CA10: variants seen among roughly 807,000 people sequenced by gnomAD.
CA10 encodes the protein carbonic anhydrase 10 (inactive), also known as carbonic anhydrase-related protein 10.
A neutral mutation model predicts 44.2 loss-of-function variants in CA10; 14 were observed. That is an observed-to-expected ratio of 0.32 (90% confidence interval 0.21 to 0.50). The LOEUF (loss-of-function observed/expected upper bound fraction) is 0.50. CA10 is among the 20% of genes least tolerant of loss of function. The probability of loss-of-function intolerance (pLI) is 0.99; values close to 1 mark genes in which losing one functional copy is unlikely to be tolerated. For synonymous variants in CA10, 159 were observed against 141.6 expected (o/e 1.12, Z -0.87); for missense variants, 350 against 409.7 (o/e 0.85, Z 1.26).
intron 3 of CA10, among the ~76,000 whole-genome samples, chr17:51,822,148 G>A (rs185765165): frequency 2.4e-4 from 36 of 152,218 alleles, no homozygotes; most frequent in Admixed American, 2.4e-3. Context: ...CCTTGGCCAG[G>A]TGTGGTGGCT....
chr17:51,794,590 G>A (rs576586637), intron 3 of CA10, among the ~76,000 whole-genome samples: 1 of 152,012 alleles, frequency 6.6e-6, no homozygotes, highest in Non-Finnish European at 1.5e-5. Flanking sequence ...AACCATATAA[G>A]TATCATGTGT....
intron 1 of CA10, among the ~76,000 whole-genome samples, chr17:52,089,679 G>A (rs908235921): frequency 6.6e-6 from 1 of 151,674 alleles, no homozygotes; most frequent in African/African-American, 2.4e-5. Flanking sequence ...AACAACAATA[G>A]CTAGTAAACA....
chr17:52,055,626 TTGTG>T (rs1255148750), intron 2 of CA10, among the ~76,000 whole-genome samples: 1 of 152,136 alleles, frequency 6.6e-6, no homozygotes, highest in Non-Finnish European at 1.5e-5. Flanking sequence ...TGATATATTA[TTGTG>T]TGATATATTA....
rs547477851 is a variant in CA10, at chr17:51,996,913, A to T, written c.137-65781T>A. 4.6e-5 allele frequency among the ~76,000 whole-genome samples: 7 copies of T among 152,088 alleles called. No individual in the cohort carries two copies. In the South Asian group the frequency reaches 1.5e-3, roughly 32 times the overall value. On this transcript the variant is annotated intron_variant, in intron 2 of 8. Transcript: ENST00000451037. ...AAACGTCACCAAGAGAACTTCTGTAATATGCACAACAATTTCCCCCAGATC... is the reference window on the plus strand; with the variant it reads ...AAACGTCACCAAGAGAACTTCTGTATTATGCACAACAATTTCCCCCAGATC...
intron 3 of CA10, among the ~76,000 whole-genome samples, chr17:51,832,538 A>G (rs938934220): frequency 6.6e-6 from 1 of 152,206 alleles, no homozygotes; most frequent in Non-Finnish European, 1.5e-5. Flanking sequence ...ATCTGAAGGA[A>G]GAATCTGGTA....
intron 2 of CA10, among the ~76,000 whole-genome samples, chr17:51,997,158 G>A (rs779891630): frequency 1.1e-4 from 16 of 151,948 alleles, no homozygotes; most frequent in Non-Finnish European, 1.9e-4. Flanking sequence ...ATTGATCCCC[G>A]CTATCATCTT....
intron 2 of CA10, among the ~76,000 whole-genome samples, chr17:52,007,515 T>C (rs1177397632): frequency 2.0e-5 from 3 of 151,578 alleles, no homozygotes; most frequent in Non-Finnish European, 4.4e-5. Flanking sequence ...TTAATCAATG[T>C]ACAGAATTAT....
intron 3 of CA10, among the ~76,000 whole-genome samples, chr17:51,840,447 C>G (rs115544654): frequency 6.6e-6 from 1 of 150,876 alleles, no homozygotes; most frequent in South Asian, 2.1e-4. Context: ...TTGTAATGTA[C>G]TTGAACTCTG....
Position 51,955,366 on chromosome 17 carries a change from C to T in CA10, c.137-24234G>A, listed in dbSNP as rs1365827600. On this transcript the variant is annotated intron_variant, in intron 2 of 8. Coordinates refer to ENST00000451037, the MANE Select transcript of CA10 (RefSeq NM_020178.5). ...TTGGTTATTTCCACATTGTAAAGTC[C>T]GCATTCCTTAGCATAGCAAGCCAGG... is the stretch of plus-strand genomic sequence containing the variant. Among the ~76,000 whole-genome samples, 4 of 152,002 alleles carry T rather than the reference C, an allele frequency of 2.6e-5. No homozygotes were observed. In the East Asian group the frequency reaches 5.8e-4, roughly 22 times the overall value.
intron 3 of CA10, among the ~76,000 whole-genome samples, chr17:51,809,092 T>TA (rs1039757291): frequency 0.011 from 1,287 of 119,936 alleles, 9 homozygotes; most frequent in African/African-American, 0.029. Context: ...GAGACCTAAA[T>TA]AAAAAAAAAA....
At chr17:51,753,149 G>A (rs983276954) in intron 3 of CA10, among the ~76,000 whole-genome samples, 4 of 152,112 alleles carry the variant, frequency 2.6e-5, no homozygotes, top group Non-Finnish European at 2.9e-5. Flanking sequence ...TTCCTCACCT[G>A]CGGAATTCAT....
intron 2 of CA10, among the ~76,000 whole-genome samples, chr17:52,009,712 T>A (rs1421697351): frequency 1.3e-5 from 2 of 151,892 alleles, no homozygotes; most frequent in Non-Finnish European, 2.9e-5. Flanking sequence ...ACATTTTAAA[T>A]CAGAATGAGC....
chr17:51,920,721 T>C (rs1273833352), intron 3 of CA10, among the ~76,000 whole-genome samples: 1 of 152,204 alleles, frequency 6.6e-6, no homozygotes, highest in African/African-American at 2.4e-5. Context: ...CATGAGAACC[T>C]GATACCCACA....
intron 2 of CA10, among the ~76,000 whole-genome samples, chr17:51,991,301 C>T (rs1985030800): frequency 6.6e-6 from 1 of 152,086 alleles, no homozygotes; most frequent in South Asian, 2.1e-4. Flanking sequence ...TTCTAATGGC[C>T]AGCTGCAAAC....
intron 3 of CA10, among the ~76,000 whole-genome samples, chr17:51,795,394 G>A (rs1292707888): frequency 6.6e-6 from 1 of 152,154 alleles, no homozygotes; most frequent in Non-Finnish European, 1.5e-5. Flanking sequence ...GAGCAATGGA[G>A]TTACACATTT....
In CA10 at chr17:52,136,567, G is replaced by T. The variant is rs184705688; in HGVS notation, c.61+21159C>A. On this transcript the variant is annotated intron_variant, in intron 1 of 8. Transcript: ENST00000451037. ...CTACTCAAGCTGGGAGTGAGGGGTG[G>T]TATCTGTGTGTCTTGCTCACAGTCC... Among the ~76,000 whole-genome samples, 5 of 152,286 alleles carry T rather than the reference G, an allele frequency of 3.3e-5. No individual in the cohort carries two copies. In the South Asian group the frequency reaches 6.2e-4, roughly 19 times the overall value.
intron 2 of CA10, among the ~76,000 whole-genome samples, chr17:51,970,213 T>C (rs960822679): frequency 6.6e-6 from 1 of 152,068 alleles, no homozygotes; most frequent in Non-Finnish European, 1.5e-5. Context: ...TAAAGCACAA[T>C]CTTCTCAAAT....
In CA10 at chr17:51,704,726, G is replaced by A. The variant is rs551508151; in HGVS notation, c.465+42907C>T. Reference sequence around the variant, plus strand: ...CGCCTGTAATCCCAGCACTTTGGGAGGCGACAGTGGTGGATCACCTAAGGT... The same window carrying A: ...CGCCTGTAATCCCAGCACTTTGGGAAGCGACAGTGGTGGATCACCTAAGGT... On this transcript the variant is annotated intron_variant, in intron 4 of 8. Coordinates refer to ENST00000451037, the MANE Select transcript of CA10 (RefSeq NM_020178.5). Among the ~76,000 whole-genome samples the A allele has an allele frequency of 2.7e-4, 41 of 152,324 alleles. 2 individuals are homozygous for A. In the Middle Eastern group the frequency reaches 0.02, roughly 76 times the overall value.
At chr17:51,644,487 G>A (rs189732692) in intron 6 of CA10, among the ~76,000 whole-genome samples, 61 of 152,162 alleles carry the variant, frequency 4.0e-4, no homozygotes, top group Non-Finnish European at 6.6e-4. Flanking sequence ...ACGTTTAAAC[G>A]CCATCTGGAT....
Sources: gnomAD v4.1 joint callset for allele counts (sites outside exome capture counted in the v4.1 genomes callset) on GRCh38, gnomAD v4.1.1 for gene constraint, MANE v1.5 for transcripts, NCBI Gene and HGNC (gene_info 2026-07-23, HGNC 2026-07-21) for gene names.